The following GPHN variants were observed in gnomAD, a reference collection of about 807,000 sequenced individuals.
GPHN encodes gephyrin.
Under a neutral mutation model 95.5 loss-of-function variants are expected in GPHN, and 17 were observed. That is an observed-to-expected ratio of 0.18 (90% confidence interval 0.12 to 0.27). GPHN has a LOEUF of 0.27. GPHN is among the 10% of genes least tolerant of loss of function. GPHN has a pLI of 1.00. For synonymous variants in GPHN, 320 were observed against 322.5 expected (o/e 0.99, Z 0.08); for missense variants, 660 against 978.1 (o/e 0.67, Z 4.34).
chr14:66,866,561 A>G (rs1202494705), intron 4 of GPHN, among the ~76,000 whole-genome samples: 9 of 152,188 alleles, frequency 5.9e-5, no homozygotes. Context: ...TAATATGTAA[A>G]GAGAAAAGTT....
chr14:67,017,314 A>T (rs1223214956), intron 9 of GPHN, among the ~76,000 whole-genome samples: 1 of 152,208 alleles, frequency 6.6e-6, no homozygotes, highest in Non-Finnish European at 1.5e-5. Flanking sequence ...GTGTTTAAGA[A>T]GTAAGAAGAG....
intron 12 of GPHN, among the ~76,000 whole-genome samples, chr14:67,092,860 A>G (rs1412244712): frequency 6.6e-6 from 1 of 152,072 alleles, no homozygotes; most frequent in Non-Finnish European, 1.5e-5. Context: ...TATTCTTCAC[A>G]TTTTTCGATT....
chr14:67,406,453 G>T, the GPHN span, among the ~76,000 whole-genome samples: 2 of 152,076 alleles, frequency 1.3e-5, no homozygotes, highest in Non-Finnish European at 2.9e-5. Flanking sequence ...TCAAGGAGGG[G>T]TGAGCATAGG....
At chr14:66,762,845 A>G (rs2058810987) in intron 2 of GPHN, among the ~76,000 whole-genome samples, 1 of 152,220 alleles carries the variant, frequency 6.6e-6, no homozygotes, top group Admixed American at 6.5e-5. Context: ...GTACCCATTT[A>G]ACCTCACTAA....
intron 18 of GPHN, among the ~76,000 whole-genome samples, chr14:67,144,297 A>T (rs1465938395): frequency 7.4e-6 from 1 of 135,570 alleles, no homozygotes; most frequent in Non-Finnish European, 1.5e-5. Context: ...ACACACACAC[A>T]TACACAAATA....
chr14:67,726,745 G>C, the GPHN span, among the ~76,000 whole-genome samples: 1 of 152,108 alleles, frequency 6.6e-6, no homozygotes, highest in South Asian at 2.1e-4. Flanking sequence ...GTGGGTCAAG[G>C]GCAGAGGTAC....
the GPHN span, among the ~76,000 whole-genome samples, chr14:67,319,816 G>A: frequency 1.3e-5 from 2 of 152,144 alleles, no homozygotes; most frequent in Admixed American, 6.5e-5. Context: ...GTCTATGCTA[G>A]CCATTGTATT....
chr14:66,836,657 A>G (rs1448547296), intron 4 of GPHN, among the ~76,000 whole-genome samples: 4 of 144,066 alleles, frequency 2.8e-5, no homozygotes, highest in Non-Finnish European at 1.5e-5. Context: ...TGAACAGGCA[A>G]CCTACAAAAT....
the GPHN span, chr14:67,722,776 C>G: frequency 7.6e-7 from 1 of 1,323,522 alleles, no homozygotes. Context: ...CGGTTCTCAG[C>G]TGCTGAAAGA....
chr14:67,108,747 GT>G (rs1161380298), intron 13 of GPHN, among the ~76,000 whole-genome samples: 42 of 151,258 alleles, frequency 2.8e-4, no homozygotes, highest in African/African-American at 3.6e-4. Context: ...GTGTGTGTGT[GT>G]GTGTGGTTTA....
chr14:66,823,473 A>G (rs2061279473), intron 3 of GPHN: 1 of 152,172 alleles, frequency 6.6e-6, no homozygotes, highest in African/African-American at 2.4e-5. Context: ...CTTTCCTCAG[A>G]ACAAAATTAT....
At chr14:67,561,061 C>T in the GPHN span, among the ~76,000 whole-genome samples, 1 of 152,166 alleles carries the variant, frequency 6.6e-6, no homozygotes, top group Non-Finnish European at 1.5e-5. Context: ...TCTGTCCTCA[C>T]ACAAGTGGTT....
At chr14:66,779,545 C>T (rs968638055) in intron 3 of GPHN, among the ~76,000 whole-genome samples, 1 of 151,934 alleles carries the variant, frequency 6.6e-6, no homozygotes, top group Non-Finnish European at 1.5e-5. Flanking sequence ...TCTGATAATA[C>T]AATTAAAATG....
At chr14:67,067,066 T>C (rs1159131969) in intron 11 of GPHN, among the ~76,000 whole-genome samples, 1 of 151,996 alleles carries the variant, frequency 6.6e-6, no homozygotes, top group African/African-American at 2.4e-5. Flanking sequence ...ATCTTTGTGG[T>C]TTTATCTACC....
intron 3 of GPHN, among the ~76,000 whole-genome samples, chr14:66,782,229 G>A (rs534280725): frequency 1.3e-5 from 2 of 152,204 alleles, no homozygotes; most frequent in African/African-American, 2.4e-5. Flanking sequence ...TAGGACATAT[G>A]CATACTTAAG....
the GPHN span, among the ~76,000 whole-genome samples, chr14:67,536,515 G>A: frequency 5.3e-5 from 8 of 151,736 alleles, no homozygotes; most frequent in East Asian, 1.9e-4. Context: ...CAGAAGCCCC[G>A]TTGCCTTCCA....
At chr14:67,532,217 A>C in the GPHN span, among the ~76,000 whole-genome samples, 1 of 152,114 alleles carries the variant, frequency 6.6e-6, no homozygotes, top group Non-Finnish European at 1.5e-5. Flanking sequence ...CTTTAGTTAG[A>C]GATTCAGATT....
chr14:66,509,236 T>A (rs1594765781), intron 1 of GPHN: 2 of 152,830 alleles, frequency 1.3e-5, no homozygotes, highest in African/African-American at 4.8e-5. Context: ...CTTCTGCCTT[T>A]CCGCGCAAAA....
At chr14:67,493,094 G>C in the GPHN span, among the ~76,000 whole-genome samples, 3 of 152,218 alleles carry the variant, frequency 2.0e-5, no homozygotes, top group Non-Finnish European at 4.4e-5. Flanking sequence ...TCCAGGCAGA[G>C]AGGACAGTTA....
Sources: gnomAD v4.1 joint callset for allele counts (sites outside exome capture counted in the v4.1 genomes callset) on GRCh38, gnomAD v4.1.1 for gene constraint, MANE v1.5 for transcripts, NCBI Gene and HGNC (gene_info 2026-07-23, HGNC 2026-07-21) for gene names.